Variants in B3GALT1 observed in about 807,000 individuals in gnomAD.
B3GALT1 encodes UDP-Gal:betaGlcNAc beta 1,3-galactosyltransferase, polypeptide 1.
Under a neutral mutation model 23.2 loss-of-function variants are expected in B3GALT1, and 10 were observed. The observed-to-expected ratio is 0.43, with a 90% CI of 0.27 to 0.73. The LOEUF is 0.73. B3GALT1 is among the 30% of genes least tolerant of loss of function. The pLI is 0.21. For synonymous variants in B3GALT1, 156 were observed against 141.5 expected (o/e 1.10, Z -0.73); for missense variants, 299 against 405.4 (o/e 0.74, Z 2.25).
At chr2:167,696,247 G>C (rs1000039764) in intron 3 of B3GALT1, among the ~76,000 whole-genome samples, 1 of 140,902 alleles carries the variant, frequency 7.1e-6, no homozygotes, top group African/African-American at 2.6e-5. Context: ...TTTATTAGTT[G>C]TGAGACCTTA....
At chr2:167,510,445 G>C (rs1266692966) in intron 2 of B3GALT1, among the ~76,000 whole-genome samples, 5 of 137,098 alleles carry the variant, frequency 3.6e-5, no homozygotes, top group Non-Finnish European at 7.7e-5. Context: ...AGTTATCCTA[G>C]ACTAGACCAG....
Position 167,374,055 on chromosome 2 carries a change from A to G in B3GALT1, c.-511+80721A>G, listed in dbSNP as rs557974859. On this transcript the variant is annotated intron_variant, in intron 1 of 4. Coordinates refer to ENST00000392690, the MANE Select transcript of B3GALT1 (RefSeq NM_020981.4). ...GTAGTCCCCAGTGTCTGTTATTGCC[A>G]TCTTTATGTCCATGAGTACCCAACG... 3.5e-4 allele frequency among the ~76,000 whole-genome samples: 53 copies of G among 152,232 alleles called. No individual in the cohort carries two copies. The South Asian group carries it at 0.01, about 29-fold the overall frequency.
intron 3 of B3GALT1, among the ~76,000 whole-genome samples, chr2:167,684,237 A>G (rs1485629186): frequency 6.6e-6 from 1 of 152,254 alleles, no homozygotes; most frequent in Non-Finnish European, 1.5e-5. Context: ...AGGAATAAAC[A>G]TTTGCTAGGT....
intron 4 of B3GALT1, among the ~76,000 whole-genome samples, chr2:167,836,206 A>C (rs578118311): frequency 1.3e-5 from 2 of 152,374 alleles, no homozygotes; most frequent in East Asian, 3.9e-4. Context: ...TTGAGAGAAG[A>C]AGGCTTCAGA....
At chr2:167,822,880 G>GA (rs1285550059) in intron 4 of B3GALT1, among the ~76,000 whole-genome samples, 4 of 152,190 alleles carry the variant, frequency 2.6e-5, no homozygotes, top group African/African-American at 4.8e-5. Flanking sequence ...ACAAGGGTGG[G>GA]ACAGAGAATG....
At chr2:167,413,045 C>G (rs534235914) in intron 1 of B3GALT1, among the ~76,000 whole-genome samples, 61 of 152,122 alleles carry the variant, frequency 4.0e-4, no homozygotes, top group African/African-American at 1.3e-3. Flanking sequence ...AGAAGAGTAG[C>G]AGAAAGGGGC....
chr2:167,497,271 A>T (rs141589753), intron 2 of B3GALT1, among the ~76,000 whole-genome samples: 5 of 152,210 alleles, frequency 3.3e-5, no homozygotes, highest in African/African-American at 9.6e-5. Flanking sequence ...ATTAAATATG[A>T]TGGTTAGAAG....
chr2:167,785,557 A>G lies in B3GALT1; in HGVS notation c.-351-33115A>G, dbSNP rs895666527. Among the ~76,000 whole-genome samples the G allele has an allele frequency of 2.6e-5, 4 of 152,242 alleles. No homozygotes were observed. The East Asian group carries it at 7.7e-4, about 29-fold the overall frequency. The stretch of plus-strand genomic sequence containing the variant: ...TGTGAATTCTGAGATTCAAATGAAC[A>G]GTATAATTTTCAGTGATGGACACCG... On this transcript the variant is annotated intron_variant, in intron 3 of 4. Transcript: ENST00000392690.
intron 2 of B3GALT1, among the ~76,000 whole-genome samples, chr2:167,588,093 G>A (rs1180170163): frequency 1.3e-5 from 2 of 152,154 alleles, no homozygotes; most frequent in Non-Finnish European, 2.9e-5. Flanking sequence ...TTAAACAGGT[G>A]TTGCTCTTCT....
At chr2:167,794,687 A>G (rs1361815168) in intron 3 of B3GALT1, among the ~76,000 whole-genome samples, 2 of 152,212 alleles carry the variant, frequency 1.3e-5, no homozygotes, top group African/African-American at 4.8e-5. Context: ...CTGTTTTTCT[A>G]ACATGCTATT....
At position 167,610,917 on chromosome 2, in the gene B3GALT1, A is replaced by T. The variant is rs879890240; in HGVS notation, c.-409-35992A>T. On this transcript the variant is annotated intron_variant, in intron 2 of 4. Coordinates refer to ENST00000392690, the MANE Select transcript of B3GALT1 (RefSeq NM_020981.4). ...CTTCCTGGTTTATTTGTACAAAAAA[A>T]AAAAAAAAAAGAGAGAGAGAGAGAA... 2.5e-3 allele frequency among the ~76,000 whole-genome samples: 374 copies of T among 150,220 alleles called. 2 individuals carry two copies. The highest frequency in any genetic ancestry group is 3.9e-3 in the Non-Finnish European group (265 of 67,290).
chr2:167,720,965 ATGTTGTTGTTAT>A (rs909115419), intron 3 of B3GALT1, among the ~76,000 whole-genome samples: 1 of 152,026 alleles, frequency 6.6e-6, no homozygotes. Flanking sequence ...TTTCTATTGT[ATGTTGTTGTTAT>A]TGTTATTGTT....
intron 1 of B3GALT1, among the ~76,000 whole-genome samples, chr2:167,467,217 A>G (rs1467016222): frequency 6.6e-6 from 1 of 151,938 alleles, no homozygotes; most frequent in Non-Finnish European, 1.5e-5. Flanking sequence ...CCCACTCAGG[A>G]CCTCATTAAT....
At chr2:167,538,718 A>G (rs1255677631) in intron 2 of B3GALT1, among the ~76,000 whole-genome samples, 2 of 152,228 alleles carry the variant, frequency 1.3e-5, no homozygotes, top group African/African-American at 2.4e-5. Context: ...TTATCTTGGT[A>G]TAACTCAAAT....
At chr2:167,543,963 G>C (rs1448850435) in intron 2 of B3GALT1, among the ~76,000 whole-genome samples, 2 of 152,228 alleles carry the variant, frequency 1.3e-5, no homozygotes, top group Non-Finnish European at 2.9e-5. Flanking sequence ...CCCTTGGCTC[G>C]ATTCAGCTCT....
At chr2:167,690,897 C>T (rs140905699) in intron 3 of B3GALT1, among the ~76,000 whole-genome samples, 4 of 151,982 alleles carry the variant, frequency 2.6e-5, no homozygotes, top group African/African-American at 4.8e-5. Context: ...TAAGCAGGTG[C>T]GCCTTTGTTT....
chr2:167,527,487 CT>C (rs1452442196), intron 2 of B3GALT1, among the ~76,000 whole-genome samples: 2 of 152,008 alleles, frequency 1.3e-5, no homozygotes, highest in Non-Finnish European at 2.9e-5. Context: ...TTTGTGATTA[CT>C]TTTCTAGACC....
intron 3 of B3GALT1, among the ~76,000 whole-genome samples, chr2:167,746,410 C>T (rs1419358739): frequency 6.6e-6 from 1 of 152,206 alleles, no homozygotes; most frequent in African/African-American, 2.4e-5. Flanking sequence ...ATCTTCCAAG[C>T]CCTCTCAAGC....
In B3GALT1 at chr2:167,870,145, C is replaced by A; in HGVS notation, c.*125C>A. On this transcript the variant is annotated 3_prime_UTR_variant, in exon 5 of 5. Coordinates refer to ENST00000392690, the MANE Select transcript of B3GALT1 (RefSeq NM_020981.4). ...GGTTTTGTAAAGTTTTTGCTTCCTGCTATAAGTTCTTTTCTTGGATTACCA... is the reference window on the plus strand; with the variant it reads ...GGTTTTGTAAAGTTTTTGCTTCCTGATATAAGTTCTTTTCTTGGATTACCA... 2.0e-6 allele frequency: 2 copies of A among 1,000,206 alleles called. No homozygotes were observed. Among genetic ancestry groups the A allele is most frequent in the Non-Finnish European group, 1.4e-6 (1 of 701,304 alleles). The allele number at this position is 1,000,206 out of a possible 1,614,324, so 62.0% of individuals were successfully genotyped here.
Sources: gnomAD v4.1 joint callset for allele counts (sites outside exome capture counted in the v4.1 genomes callset) on GRCh38, gnomAD v4.1.1 for gene constraint, MANE v1.5 for transcripts, NCBI Gene and HGNC (gene_info 2026-07-23, HGNC 2026-07-21) for gene names.